Variants in CACNA1A observed in about 807,000 individuals in gnomAD.
The protein encoded by CACNA1A is calcium voltage-gated channel subunit alpha1 A, also known as voltage-dependent P/Q-type calcium channel subunit alpha-1A.
Under a neutral mutation model 262.4 loss-of-function variants are expected in CACNA1A, and 57 were observed. The observed-to-expected ratio is 0.22, with a 90% CI of 0.18 to 0.27. The LOEUF is 0.27. Among genes scored for constraint, CACNA1A ranks in the 10% least tolerant of loss-of-function variants. The probability of loss-of-function intolerance (pLI) is 1.00; values close to 1 mark genes in which losing one functional copy is unlikely to be tolerated. For missense variants in CACNA1A, 2,526 were observed against 3,562.8 expected (o/e 0.71, Z 7.41); for synonymous variants, 1,431 against 1,419.3 (o/e 1.01, Z -0.18).
intron 1 of CACNA1A, among the ~76,000 whole-genome samples, chr19:13,472,968 A>G (rs1159443766): frequency 1.3e-5 from 2 of 152,160 alleles, no homozygotes; most frequent in African/African-American, 4.8e-5. Flanking sequence ...AAGAGACAGA[A>G]GAGGCCAGGT....
chr19:13,212,620 G>T lies in CACNA1A; in HGVS notation c.6050+11C>A. 6.6e-7 allele frequency: 1 copy of T among 1,514,644 alleles called. No individual in the cohort carries two copies. Among genetic ancestry groups the T allele is most frequent in the East Asian group, 2.4e-5 (1 of 42,286 alleles). 93.8% of individuals were successfully genotyped at this position (1,514,644 alleles called of 1,614,324 possible). The stretch of plus-strand genomic sequence containing the variant: ...CCCACACTCCACCTCCCTGGCAGGG[G>T]TGACACTCACAGGGCTCCTCCTGGG... On this transcript the variant is annotated intron_variant, in intron 41 of 46. Transcript: ENST00000360228. The surrounding 1 kb of genome is among the most constrained non-coding windows in gnomAD (Gnocchi z 5.6).
At chr19:13,286,265 G>T (rs957074888) in intron 20 of CACNA1A, among the ~76,000 whole-genome samples, 1 of 152,180 alleles carries the variant, frequency 6.6e-6, no homozygotes, top group African/African-American at 2.4e-5. Flanking sequence ...TGGGAAGGAA[G>T]GACGTAGAAG....
intron 1 of CACNA1A, among the ~76,000 whole-genome samples, chr19:13,458,044 G>A (rs2061047281): frequency 6.6e-6 from 1 of 152,134 alleles, no homozygotes; most frequent in African/African-American, 2.4e-5. Flanking sequence ...GAATGGCAAG[G>A]GAAATGGGAG....
chr19:13,366,350 G>A lies in CACNA1A; in HGVS notation c.632-881C>T, dbSNP rs548636891. 4 of 152,198 alleles carry A rather than the reference G, an allele frequency of 2.6e-5. No individual in the cohort carries two copies. The South Asian group carries it at 8.3e-4, about 32-fold the overall frequency. 9.4% of individuals were successfully genotyped at this position (152,198 alleles called of 1,614,324 possible). ...CCAGGCATGATGGTGCATGCCTGTA[G>A]TCCTAGCTACTCTAGGGACTGAGGC... On this transcript the variant is annotated intron_variant, in intron 4 of 46. Coordinates refer to ENST00000360228, the MANE Select transcript of CACNA1A (RefSeq NM_001127222.2).
At chr19:13,295,215 T>C (rs777714110) in intron 19 of CACNA1A, among the ~76,000 whole-genome samples, 10 of 152,208 alleles carry the variant, frequency 6.6e-5, no homozygotes, top group Admixed American at 1.3e-4. Flanking sequence ...TAGGAGAAGA[T>C]TGAAGCGAAA....
At chr19:13,496,654 C>A (rs1981570198) in intron 1 of CACNA1A, among the ~76,000 whole-genome samples, 1 of 152,070 alleles carries the variant, frequency 6.6e-6, no homozygotes, top group South Asian at 2.1e-4. Context: ...AACACAGACG[C>A]CAAAAATAAC....
At chr19:13,418,685 C>G (rs1347017535) in intron 3 of CACNA1A, among the ~76,000 whole-genome samples, 2 of 151,960 alleles carry the variant, frequency 1.3e-5, no homozygotes, top group Non-Finnish European at 2.9e-5. Flanking sequence ...TTGGAGGGAC[C>G]CTGGTGACAC....
At position 13,365,473 on chromosome 19, in the gene CACNA1A, G is replaced by C; in HGVS notation, c.632-4C>G. Reference sequence around the variant, plus strand: ...GACTTCAGGACGACTTGTAAACCTGGGGGGACACAGAGAGAGGCCCCATAA... The same window carrying C: ...GACTTCAGGACGACTTGTAAACCTGCGGGGACACAGAGAGAGGCCCCATAA... On this transcript the variant is annotated splice_polypyrimidine_tract_variant and splice_region_variant and intron_variant, in intron 4 of 46. Coordinates refer to ENST00000360228, the MANE Select transcript of CACNA1A (RefSeq NM_001127222.2). 1 of 1,613,078 alleles carries C rather than the reference G, an allele frequency of 6.2e-7. No homozygotes were observed. Among genetic ancestry groups the C allele is most frequent in the Non-Finnish European group, 8.5e-7 (1 of 1,179,396 alleles).
Position 13,230,099 on chromosome 19 carries a change from C to G in CACNA1A, c.5511G>C (p.Glu1837Asp), listed in dbSNP as rs1348448383. ...CTTCTTACCAAGCTGCGGGGTCATA[C>G]TCGGCCCAGACACGCACGTACTCAT... ...HLDEYVRVWA[E>D]YDPAAWGRMP... The change falls in exon 36 of 47, where the codon GAG (glutamate) becomes GAC (aspartate). Residue 1837 changes from glutamate to aspartate, a missense_variant. Physicochemically the swap from Glu to Asp is conservative, Grantham distance 45. This residue lies in a region of CACNA1A where 112 missense variants were observed against 197.2 expected (regional missense o/e 0.57). Transcript: ENST00000360228. The G allele has an allele frequency of 1.9e-6, 3 of 1,613,528 alleles. No homozygotes were observed. In the Admixed American group the frequency reaches 5.0e-5, roughly 27 times the overall value.
chr19:13,456,541 GCGGGCATCTGTAGTCCCAGCTACT>G (rs2144954866), intron 1 of CACNA1A, among the ~76,000 whole-genome samples: 1 of 152,248 alleles, frequency 6.6e-6, no homozygotes, highest in East Asian at 1.9e-4. Flanking sequence ...GGGCGTGGTA[GCGGGCATCTGTAGTCCCAGCTACT>G]CGGGAGGCTG....
intron 1 of CACNA1A, among the ~76,000 whole-genome samples, chr19:13,504,897 A>G (rs1982832159): frequency 1.3e-5 from 2 of 152,098 alleles, no homozygotes; most frequent in South Asian, 4.2e-4. Flanking sequence ...AACACAGAAG[A>G]TCTGCATTTT....
intron 1 of CACNA1A, among the ~76,000 whole-genome samples, chr19:13,488,150 T>C (rs1355973862): frequency 6.6e-6 from 1 of 152,100 alleles, no homozygotes; most frequent in African/African-American, 2.4e-5. Context: ...AGCAGGTCTC[T>C]AGTTTTAGAG....
At chr19:13,393,017 C>G (rs1453737185) in intron 3 of CACNA1A, among the ~76,000 whole-genome samples, 1 of 152,164 alleles carries the variant, frequency 6.6e-6, no homozygotes, top group Non-Finnish European at 1.5e-5. Flanking sequence ...GATTTGCCCC[C>G]CTCAGCCTCC....
At chr19:13,484,155 T>C (rs1568693205) in intron 1 of CACNA1A, among the ~76,000 whole-genome samples, 2 of 152,122 alleles carry the variant, frequency 1.3e-5, no homozygotes, top group South Asian at 2.1e-4. Flanking sequence ...CTATAAAAAA[T>C]GGAGATAAAA....
chr19:13,420,360 C>T (rs1246592224), intron 3 of CACNA1A, among the ~76,000 whole-genome samples: 1 of 151,862 alleles, frequency 6.6e-6, no homozygotes, highest in Non-Finnish European at 1.5e-5. Context: ...TTTACCGAAA[C>T]CTCAGAATGC....
chr19:13,253,140 A>C, intron 29 of CACNA1A, 39 bp from the exon 30 acceptor site: 1 of 1,333,468 alleles, frequency 7.5e-7, no homozygotes. Flanking sequence ...GTCAGCGAGC[A>C]GGGGTGGGAA....
chr19:13,395,409 G>A (rs1205103260), intron 3 of CACNA1A, among the ~76,000 whole-genome samples: 1 of 148,926 alleles, frequency 6.7e-6, no homozygotes. Flanking sequence ...TCAGCAGTTT[G>A]AGACCAGCCT....
rs1251327220 is a variant in CACNA1A, at chr19:13,308,048, G to A, written c.1913+72C>T. On this transcript the variant is annotated intron_variant, in intron 14 of 46. Transcript: ENST00000360228. The surrounding 1 kb of genome is among the most constrained non-coding windows in gnomAD (Gnocchi z 4.2). ...GGCTACGAGGAAGGCAGCCTGCACG[G>A]TGGAGGGGACTGTGTGTTCCCTGAG... The A allele has an allele frequency of 1.3e-6, 2 of 1,585,642 alleles. No homozygotes were observed. Among genetic ancestry groups the A allele is most frequent in the East Asian group, 2.2e-5 (1 of 44,734 alleles).
At chr19:13,262,152 C>A (rs146434524) in intron 25 of CACNA1A, 1 of 157,054 alleles carries the variant, frequency 6.4e-6, no homozygotes, top group African/African-American at 2.4e-5. Context: ...AGCAACACTC[C>A]TGCCTTGGTC....
Sources: gnomAD v4.1 joint callset for allele counts (sites outside exome capture counted in the v4.1 genomes callset) on GRCh38, gnomAD v4.1.1 for gene constraint, gnomAD v4.1.1 regional missense constraint, Gnocchi (gnomAD v3.1) non-coding constraint, MANE v1.5 for transcripts, NCBI Gene and HGNC (gene_info 2026-07-23, HGNC 2026-07-21) for gene names.